Variants in LNPEP observed in about 807,000 individuals in gnomAD.
LNPEP encodes leucyl and cystinyl aminopeptidase, also known as leucyl-cystinyl aminopeptidase.
In LNPEP, 64 loss-of-function variants were observed where a neutral mutation model predicts 120.6. The observed-to-expected ratio is 0.53, with a 90% CI of 0.43 to 0.65. The LOEUF (loss-of-function observed/expected upper bound fraction) is 0.65, where lower values mean the gene tolerates loss of function less well. Among genes scored for constraint, LNPEP ranks in the 30% least tolerant of loss-of-function variants. The pLI is 0.00. For synonymous variants in LNPEP, 435 were observed against 425.4 expected, an observed-to-expected ratio of 1.02 and a Z score of -0.28; for missense variants, 1,057 against 1,200.0, an observed-to-expected ratio of 0.88 and a Z score of 1.76.
At chr5:97,004,468 T>G (rs1790731245) in intron 9 of LNPEP, among the ~76,000 whole-genome samples, 1 of 149,042 alleles carries the variant, frequency 6.7e-6, no homozygotes, top group Admixed American at 6.7e-5. Context: ...GCCGAGACTG[T>G]ACCACTGCAC....
intron 1 of LNPEP, among the ~76,000 whole-genome samples, chr5:96,961,470 A>G (rs1486781136): frequency 1.3e-5 from 2 of 152,144 alleles, no homozygotes; most frequent in African/African-American, 4.8e-5. Context: ...TTTTTTTATA[A>G]ATGTAATAGG....
At chr5:96,943,246 T>C (rs1223448501) in intron 1 of LNPEP, 2 of 188,860 alleles carry the variant, frequency 1.1e-5, no homozygotes, top group Non-Finnish European at 2.2e-5. Flanking sequence ...AAGAAAACTA[T>C]AGAGAGCTAT....
At chr5:96,945,401 A>C (rs1789164004) in intron 1 of LNPEP, among the ~76,000 whole-genome samples, 1 of 143,620 alleles carries the variant, frequency 7.0e-6, no homozygotes, top group Non-Finnish European at 1.5e-5. Context: ...GTGAGACCCT[A>C]TCTCAAAAAA....
chr5:97,001,309 C>T (rs1388025060), intron 8 of LNPEP, among the ~76,000 whole-genome samples: 2 of 151,984 alleles, frequency 1.3e-5, no homozygotes, highest in Non-Finnish European at 2.9e-5. Context: ...ATATGAAATA[C>T]GAGAGAGGGG....
chr5:96,974,915 C>A (rs1789952719), intron 1 of LNPEP, among the ~76,000 whole-genome samples: 1 of 152,080 alleles, frequency 6.6e-6, no homozygotes, highest in African/African-American at 2.4e-5. Flanking sequence ...CTCTGGCCAC[C>A]CAGCTCTTAA....
chr5:96,984,885 C>T (rs1790205294), intron 2 of LNPEP, among the ~76,000 whole-genome samples, 195 bp from the exon 3 acceptor site: 3 of 152,138 alleles, frequency 2.0e-5, no homozygotes, highest in Admixed American at 1.3e-4. Context: ...GTTCCCATTG[C>T]TTTATTTTCA....
At chr5:96,963,775 A>G (rs1366022732) in intron 1 of LNPEP, among the ~76,000 whole-genome samples, 1 of 152,186 alleles carries the variant, frequency 6.6e-6, no homozygotes, top group Non-Finnish European at 1.5e-5. Flanking sequence ...AAATTGACAC[A>G]TTATAATTGT....
At chr5:96,956,027 CT>C (rs1207591821) in intron 1 of LNPEP, among the ~76,000 whole-genome samples, 2 of 152,302 alleles carry the variant, frequency 1.3e-5, no homozygotes, top group African/African-American at 4.8e-5. Context: ...CTGATGTTGA[CT>C]ATCTTTGTGT....
At chr5:96,957,018 A>G (rs1429689881) in intron 1 of LNPEP, among the ~76,000 whole-genome samples, 1 of 152,024 alleles carries the variant, frequency 6.6e-6, no homozygotes, top group Non-Finnish European at 1.5e-5. Flanking sequence ...TCTGCTGAGA[A>G]TTTTTACTTT....
chr5:96,982,445 C>T (rs932944009), intron 2 of LNPEP, among the ~76,000 whole-genome samples: 1 of 152,190 alleles, frequency 6.6e-6, no homozygotes, highest in African/African-American at 2.4e-5. Context: ...CAAGCAGCAG[C>T]CTTCTCAAAG....
In LNPEP at chr5:96,954,618, C is replaced by CTA. The variant is rs1168984975; in HGVS notation, c.19+18457_19+18458dup. Among the ~76,000 whole-genome samples the CTA allele has an allele frequency of 2.4e-4, 14 of 57,532 alleles. 3 individuals are homozygous for CTA. Among genetic ancestry groups the CTA allele is most frequent in the South Asian group, 4.6e-4 (1 of 2,170 alleles). 37.7% of individuals were successfully genotyped at this position (57,532 alleles called of 152,430 possible). A position where few individuals can be genotyped will look rare whatever the true frequency, so the allele number is the denominator to read the frequency against. On this transcript the variant is annotated intron_variant, in intron 1 of 17. Transcript: ENST00000231368. ...TGCAAGTCTCTCTCTCTCTCTCTCT[C>CTA]TATATATATATATACATATATACAT...
At chr5:97,022,601 A>G in intron 14 of LNPEP, 117 bp downstream of exon 14, 2 of 815,944 alleles carry the variant, frequency 2.5e-6, no homozygotes, top group Non-Finnish European at 3.8e-6. Context: ...GTGTCAGTGT[A>G]GGTGAACTCT....
chr5:97,005,950 A>G (rs1037329213), intron 9 of LNPEP, 123 bp from the exon 10 acceptor site: 1 of 243,388 alleles, frequency 4.1e-6, no homozygotes, highest in Non-Finnish European at 7.9e-6. Context: ...TTAACATTAA[A>G]TGTAGTCTTT....
rs1236923560 is a variant in LNPEP, at chr5:97,024,605, T to C, written c.2646T>C (p.Ile882=). 1 of 1,613,976 alleles carries C rather than the reference T, an allele frequency of 6.2e-7. No individual in the cohort carries two copies. The highest frequency in any genetic ancestry group is 2.2e-5 in the East Asian group (1 of 44,902). The change falls in exon 15 of 18, where the codon ATT becomes ATC. Residue 882 remains isoleucine (I), a synonymous_variant. Coordinates refer to ENST00000231368, the MANE Select transcript of LNPEP (RefSeq NM_005575.3). ...GGTCATTCCTTTTGGGCAAATACAT[T>C]TCTATAGGCTCTGAAGCAGAGAAGA... ...KGWSFLLGKY[I]SIGSEAEKNK...
chr5:96,951,004 C>G (rs1434827055), intron 1 of LNPEP, among the ~76,000 whole-genome samples: 1 of 152,182 alleles, frequency 6.6e-6, no homozygotes, highest in African/African-American at 2.4e-5. Flanking sequence ...AGTCCAAGAT[C>G]AAGGGGCCAC....
chr5:97,027,352 C>CAA (rs532880827), intron 16 of LNPEP, among the ~76,000 whole-genome samples: 7 of 127,482 alleles, frequency 5.5e-5, no homozygotes, highest in South Asian at 2.4e-4. Context: ...GACTCCGTCT[C>CAA]AAAAAAAAAA....
At chr5:96,964,526 A>C (rs991734706) in intron 1 of LNPEP, among the ~76,000 whole-genome samples, 1 of 151,970 alleles carries the variant, frequency 6.6e-6, no homozygotes, top group Non-Finnish European at 1.5e-5. Context: ...GGTATAAATA[A>C]TTTTTTGTCT....
intron 1 of LNPEP, chr5:96,958,858 C>G (rs1489957100): frequency 8.7e-6 from 1 of 115,246 alleles, no homozygotes; most frequent in African/African-American, 3.4e-5. Flanking sequence ...GAGACGGAGT[C>G]TCACTCTGTC....
At chr5:96,955,018 G>A (rs1450747570) in intron 1 of LNPEP, among the ~76,000 whole-genome samples, 2 of 149,444 alleles carry the variant, frequency 1.3e-5, no homozygotes, top group Admixed American at 6.7e-5. Flanking sequence ...TCCTGACCTC[G>A]TGATCCGCCT....
Sources: gnomAD v4.1 joint callset for allele counts (sites outside exome capture counted in the v4.1 genomes callset) on GRCh38, gnomAD v4.1.1 for gene constraint, MANE v1.5 for transcripts, NCBI Gene and HGNC (gene_info 2026-07-23, HGNC 2026-07-21) for gene names.